ADGRG3: variants seen among roughly 807,000 people sequenced by gnomAD.
ADGRG3 encodes the protein G protein-coupled receptor 97.
Under a neutral mutation model 54.3 loss-of-function variants are expected in ADGRG3, and 39 were observed. The ratio of observed to expected loss-of-function variants is 0.72; its 90% CI spans 0.56 to 0.94. The LOEUF is 0.94. Among genes scored for constraint, ADGRG3 ranks in the 40% least tolerant of loss-of-function variants. ADGRG3 has a pLI of 0.00. For synonymous variants in ADGRG3, 312 were observed against 290.0 expected (o/e 1.08, Z -0.77); for missense variants, 654 against 694.6 (o/e 0.94, Z 0.66).
At chr16:57,673,195 G>T (rs898838766) in intron 1 of ADGRG3, 126 bp from the exon 2 acceptor site, 4 of 869,708 alleles carry the variant, frequency 4.6e-6, no homozygotes, top group Admixed American at 2.2e-5. Context: ...CACCGTTAGT[G>T]TGATGCATGG....
At chr16:57,668,855 G>A (rs761479662) in intron 1 of ADGRG3, among the ~76,000 whole-genome samples, 16 of 152,052 alleles carry the variant, frequency 1.1e-4, no homozygotes, top group Non-Finnish European at 2.1e-4. Context: ...CTCTCCTCCC[G>A]CACATGTCAC....
intron 11 of ADGRG3, among the ~76,000 whole-genome samples, chr16:57,687,510 C>G (rs549869001): frequency 6.6e-6 from 1 of 152,164 alleles, no homozygotes; most frequent in African/African-American, 2.4e-5. Flanking sequence ...CCTCAGCCTC[C>G]GAAAGTGCTG....
chr16:57,668,513 G>A, intron 1 of ADGRG3, 108 bp downstream of exon 1: 1 of 1,080,934 alleles, frequency 9.3e-7, no homozygotes, highest in Non-Finnish European at 1.4e-6. Context: ...AGGAGTTGGG[G>A]TGTCTGGGAT....
At chr16:57,675,260 C>T (rs550169671) in intron 2 of ADGRG3, among the ~76,000 whole-genome samples, 2 of 152,230 alleles carry the variant, frequency 1.3e-5, no homozygotes, top group Middle Eastern at 3.4e-3. Flanking sequence ...AGGAAGATCA[C>T]TTGAGGCCAG....
At chr16:57,675,129 A>T (rs1285465245) in intron 2 of ADGRG3, among the ~76,000 whole-genome samples, 1 of 152,010 alleles carries the variant, frequency 6.6e-6, no homozygotes, top group African/African-American at 2.4e-5. Flanking sequence ...ATAACGGCAT[A>T]ATTAAAATAT....
intron 1 of ADGRG3, among the ~76,000 whole-genome samples, chr16:57,670,963 C>A: frequency 6.6e-6 from 1 of 152,140 alleles, no homozygotes; most frequent in East Asian, 1.9e-4. Context: ...CCAGCACCAC[C>A]CATCGCAGAG....
chr16:57,679,948 C>G (rs1348240695), intron 6 of ADGRG3, 93 bp downstream of exon 6: 6 of 974,812 alleles, frequency 6.2e-6, no homozygotes, highest in Non-Finnish European at 8.3e-6. Flanking sequence ...CTGAGTCCCT[C>G]CCCTGCCTTC....
Position 57,671,332 on chromosome 16 carries a change from GTTT to G in ADGRG3, c.59-1966_59-1964del, listed in dbSNP as rs60592653. Among the ~76,000 whole-genome samples the G allele has an allele frequency of 6.4e-3, 550 of 86,282 alleles. 4 individuals are homozygous for G. Among genetic ancestry groups the G allele is most frequent in the African/African-American group, 0.026 (507 of 19,830 alleles). The allele number at this position is 86,282 out of a possible 152,430, so 56.6% of individuals were successfully genotyped here. The stretch of plus-strand genomic sequence containing the variant: ...ACATACAGAAAGTCCTAGAATAGGA[GTTT>G]TTTTTTTTTTTTTTTTTTTTTTCGA... On this transcript the variant is annotated intron_variant, in intron 1 of 11. Coordinates refer to ENST00000333493, the MANE Select transcript of ADGRG3 (RefSeq NM_170776.5).
chr16:57,683,414 C>A (rs2048412259), intron 8 of ADGRG3, among the ~76,000 whole-genome samples: 1 of 152,140 alleles, frequency 6.6e-6, no homozygotes, highest in South Asian at 2.1e-4. Context: ...GTGAAAGAAA[C>A]TTTTTCTCTC....
intron 5 of ADGRG3, 36 bp from the exon 6 acceptor site, chr16:57,679,779 CT>C: frequency 1.3e-6 from 2 of 1,592,024 alleles, no homozygotes; most frequent in Non-Finnish European, 1.7e-6. Flanking sequence ...CCAAACTTCC[CT>C]TTTCCTCTCT....
chr16:57,679,803 T>A lies in ADGRG3; in HGVS notation c.628-13T>A, dbSNP rs1195373403. 6.2e-7 allele frequency: 1 copy of A among 1,610,442 alleles called. No individual in the cohort carries two copies. Among genetic ancestry groups the A allele is most frequent in the Non-Finnish European group, 8.5e-7 (1 of 1,177,238 alleles). Reference sequence around the variant, plus strand: ...CCTTTTCCTCTCTCCTGACTTCCACTCTTCGGTTTCAGAACATGACCCTCA... The same window carrying A: ...CCTTTTCCTCTCTCCTGACTTCCACACTTCGGTTTCAGAACATGACCCTCA... On this transcript the variant is annotated splice_polypyrimidine_tract_variant and intron_variant, in intron 5 of 11. Coordinates refer to ENST00000333493, the MANE Select transcript of ADGRG3 (RefSeq NM_170776.5).
At chr16:57,670,548 GT>G (rs1213924584) in intron 1 of ADGRG3, among the ~76,000 whole-genome samples, 1 of 151,128 alleles carries the variant, frequency 6.6e-6, no homozygotes, top group African/African-American at 2.4e-5. Context: ...CCCTCTCCCT[GT>G]TTCTGTCTTC....
In ADGRG3 at chr16:57,688,477, C is replaced by A. The variant is rs762508253; in HGVS notation, c.*16C>A. 7 of 1,407,554 alleles carry A rather than the reference C, an allele frequency of 5.0e-6. No homozygotes were observed. The highest frequency in any genetic ancestry group is 7.1e-6 in the Non-Finnish European group (7 of 991,608). 87.2% of individuals were successfully genotyped at this position (1,407,554 alleles called of 1,614,324 possible). On this transcript the variant is annotated 3_prime_UTR_variant, in exon 12 of 12. Coordinates refer to ENST00000333493, the MANE Select transcript of ADGRG3 (RefSeq NM_170776.5). ...TCAAGAATAGGAAGGCACGGCCCTG[C>A]AATATGGACTCAGCTCTGGCTCTCT...
In ADGRG3 at chr16:57,684,210, G is replaced by A. The variant is rs2048428601; in HGVS notation, c.1160G>A (p.Trp387Ter). Residue 387 changes from tryptophan to a stop codon, truncating the protein, a stop_gained and splice_region_variant, in exon 9 of 12, where the codon TGG (tryptophan) becomes TAG (stop). Coordinates refer to ENST00000333493, the MANE Select transcript of ADGRG3 (RefSeq NM_170776.5). LOFTEE classifies it high-confidence loss of function. The stretch of plus-strand genomic sequence containing the variant: ...TTCCTGAAGCTGAGCCTGGTGGGCT[G>A]GGGTAGGTGCTGCCTGGATGGACAG... Reference protein sequence around the residue: ...HYFLKLSLVGWGLPALMVIGT... With the variant: ...HYFLKLSLVG 1 of 1,611,892 alleles carries A rather than the reference G, an allele frequency of 6.2e-7. No individual in the cohort carries two copies. The highest frequency in any genetic ancestry group is 8.5e-7 in the Non-Finnish European group (1 of 1,178,614).
At chr16:57,686,634 T>A (rs1176907070) in intron 11 of ADGRG3, 1 of 152,294 alleles carries the variant, frequency 6.6e-6, no homozygotes, top group African/African-American at 2.4e-5. Flanking sequence ...TGGAAACTCC[T>A]TCATTCTCTC....
At chr16:57,681,354 G>GTGTGTC (rs2048364139) in intron 8 of ADGRG3, 1 of 116,544 alleles carries the variant, frequency 8.6e-6, no homozygotes, top group Non-Finnish European at 1.7e-5. Flanking sequence ...GTGTCTGTGT[G>GTGTGTC]TGTGTGTGTG....
At chr16:57,666,899 C>T (rs780210658), upstream of ADGRG3, among the ~76,000 whole-genome samples, 4 of 152,186 alleles carry the variant, frequency 2.6e-5, no homozygotes, top group Admixed American at 2.0e-4. Context: ...GGGGCTTCAG[C>T]GATGGGCCCA....
intron 1 of ADGRG3, 137 bp downstream of exon 1, chr16:57,668,542 C>A: frequency 1.3e-6 from 1 of 769,292 alleles, no homozygotes; most frequent in Non-Finnish European, 2.1e-6. Flanking sequence ...CGATACCCCC[C>A]GTGGCCGCCT....
Position 57,678,154 on chromosome 16 carries a change from G to C in ADGRG3, c.346-16G>C. On this transcript the variant is annotated splice_polypyrimidine_tract_variant and intron_variant, in intron 3 of 11. Coordinates refer to ENST00000333493, the MANE Select transcript of ADGRG3 (RefSeq NM_170776.5). ...GGGGTGGGTACAGATGGGAGCTGCT[G>C]TGTCTGTGGTTGTAGGTTCCGAGGC... The C allele has an allele frequency of 6.2e-7, 1 of 1,613,558 alleles. No homozygotes were observed. The highest frequency in any genetic ancestry group is 8.5e-7 in the Non-Finnish European group (1 of 1,179,690).
Sources: gnomAD v4.1 joint callset for allele counts (sites outside exome capture counted in the v4.1 genomes callset) on GRCh38, gnomAD v4.1.1 for gene constraint, MANE v1.5 for transcripts, NCBI Gene and HGNC (gene_info 2026-07-23, HGNC 2026-07-21) for gene names.